Variants in RBFOX1 observed in about 807,000 individuals in gnomAD.
The protein encoded by RBFOX1 is RNA binding protein fox-1 homolog 1.
RBFOX1 carries 8 observed loss-of-function variants against 57.7 expected under a neutral mutation model. The observed-to-expected ratio is 0.14, with a 90% confidence interval of 0.08 to 0.25. The LOEUF (loss-of-function observed/expected upper bound fraction) is 0.25. Among genes scored for constraint, RBFOX1 ranks in the 10% least tolerant of loss-of-function variants. RBFOX1 has a pLI of 1.00. For synonymous variants in RBFOX1, 326 were observed against 222.4 expected, an observed-to-expected ratio of 1.47 and a Z score of -4.15; for missense variants, 611 against 548.5, an observed-to-expected ratio of 1.11 and a Z score of -1.14.
At chr16:6,412,113 A>G (rs559268381) in intron 2 of RBFOX1, among the ~76,000 whole-genome samples, 12 of 150,482 alleles carry the variant, frequency 8.0e-5, no homozygotes, top group African/African-American at 2.9e-4. Flanking sequence ...AGTACAGGCA[A>G]TAGTGCAAGA....
At chr16:7,473,728 A>G (rs1488564691) in intron 4 of RBFOX1, among the ~76,000 whole-genome samples, 6 of 152,074 alleles carry the variant, frequency 3.9e-5, no homozygotes, top group Admixed American at 1.3e-4. Context: ...CTGATTTACT[A>G]GTATGCTCCC....
intron 4 of RBFOX1, among the ~76,000 whole-genome samples, chr16:7,144,590 C>T (rs1198456878): frequency 1.3e-5 from 2 of 151,738 alleles, no homozygotes; most frequent in African/African-American, 2.4e-5. Context: ...GCGCCTGAAT[C>T]TAGACCTATT....
intron 3 of RBFOX1, among the ~76,000 whole-genome samples, chr16:6,868,793 T>C (rs895085677): frequency 3.3e-5 from 5 of 152,106 alleles, no homozygotes; most frequent in African/African-American, 1.2e-4. Context: ...AGATAGGTAA[T>C]AAGGTTGCAT....
chr16:7,315,742 A>G (rs972216859), intron 4 of RBFOX1, among the ~76,000 whole-genome samples: 4 of 152,072 alleles, frequency 2.6e-5, no homozygotes, highest in South Asian at 2.1e-4. Context: ...TGTCCAGCAA[A>G]TGCACTTTAC....
rs868820665 is a variant in RBFOX1, at chr16:6,712,473, G to C, written c.-16+57823G>C. 2.0e-5 allele frequency among the ~76,000 whole-genome samples: 3 copies of C among 152,020 alleles called. No homozygotes were observed. The South Asian group carries it at 6.2e-4, about 32-fold the overall frequency. On this transcript the variant is annotated intron_variant, in intron 3 of 15. Coordinates refer to ENST00000550418, the MANE Select transcript of RBFOX1 (RefSeq NM_018723.4). ...CTAACCTTTCCTCTCATCTCCCGAG[G>C]ACTATTTTCTCCCAGTTTTTTCCAT... is the stretch of plus-strand genomic sequence containing the variant.
At chr16:6,970,307 T>C (rs2085252239) in intron 3 of RBFOX1, among the ~76,000 whole-genome samples, 2 of 152,320 alleles carry the variant, frequency 1.3e-5, no homozygotes, top group South Asian at 2.1e-4. Context: ...ACCTAGACTA[T>C]TTCTGTCCTT....
At chr16:6,035,623 C>T (rs745440058) in intron 1 of RBFOX1, among the ~76,000 whole-genome samples, 20 of 152,160 alleles carry the variant, frequency 1.3e-4, no homozygotes, top group South Asian at 6.2e-4. Flanking sequence ...AAATGGCAAG[C>T]GGGAGGCATC....
At chr16:5,686,758 A>C (rs1596753561) in intron 3 of RBFOX1, among the ~76,000 whole-genome samples, 1 of 152,310 alleles carries the variant, frequency 6.6e-6, no homozygotes, top group East Asian at 1.9e-4. Flanking sequence ...ATAACAAATG[A>C]AAGTATTTTT....
At chr16:6,791,145 G>A (rs1205149046) in intron 3 of RBFOX1, among the ~76,000 whole-genome samples, 2 of 152,146 alleles carry the variant, frequency 1.3e-5, no homozygotes, top group African/African-American at 2.4e-5. Context: ...GACCTCAAGA[G>A]ATCCTCCCGC....
At chr16:6,125,526 G>A (rs774424958) in intron 1 of RBFOX1, among the ~76,000 whole-genome samples, 2 of 152,178 alleles carry the variant, frequency 1.3e-5, no homozygotes, top group Non-Finnish European at 2.9e-5. Context: ...AACCCTTGGA[G>A]AGTTAAACAA....
intron 3 of RBFOX1, among the ~76,000 whole-genome samples, chr16:6,683,583 A>G (rs2058991108): frequency 6.6e-6 from 1 of 152,332 alleles, no homozygotes; most frequent in South Asian, 2.1e-4. Flanking sequence ...ACACGTGTAT[A>G]CATGTGTGTG....
At chr16:6,331,748 A>AT (rs1176823531) in intron 2 of RBFOX1, among the ~76,000 whole-genome samples, 3 of 142,026 alleles carry the variant, frequency 2.1e-5, no homozygotes, top group Admixed American at 7.4e-5. Context: ...AAATCATGCA[A>AT]TTTTTTTTGT....
In RBFOX1 at chr16:6,198,340, A is replaced by T. The variant is rs1028060276; in HGVS notation, c.-126-118655A>T. Among the ~76,000 whole-genome samples, 57 of 152,230 alleles carry T rather than the reference A, an allele frequency of 3.7e-4. 1 individual carries two copies. The highest frequency in any genetic ancestry group is 3.0e-3 in the Admixed American group (46 of 15,282). On this transcript the variant is annotated intron_variant, in intron 1 of 15. Coordinates refer to ENST00000550418, the MANE Select transcript of RBFOX1 (RefSeq NM_018723.4). ...CTTGATGACAAGATACATTCAAGGG[A>T]ATAACACATAGGCAGGAATGCTCTC... is the stretch of plus-strand genomic sequence containing the variant.
chr16:7,632,105 C>T (rs112611178), intron 11 of RBFOX1, among the ~76,000 whole-genome samples: 2,305 of 152,242 alleles, frequency 0.015, 57 homozygotes, highest in African/African-American at 0.051. Flanking sequence ...GATGAGGTTT[C>T]CCCATCTTGG....
chr16:7,053,343 T>G (rs1196187058), intron 4 of RBFOX1, among the ~76,000 whole-genome samples: 3 of 152,238 alleles, frequency 2.0e-5, no homozygotes, highest in African/African-American at 7.2e-5. Context: ...GACCCTTTCC[T>G]TCATGGAACA....
In RBFOX1 at chr16:6,538,770, A is replaced by T. The variant is rs187169797; in HGVS notation, c.-63-115833A>T. Among the ~76,000 whole-genome samples the T allele has an allele frequency of 2.0e-5, 3 of 152,254 alleles. No individual in the cohort carries two copies. The East Asian group carries it at 5.8e-4, about 29-fold the overall frequency. ...TTCCAGCTGTTGGTTGTTTTTTTTC[A>T]TGGCTTCTTCCAGGGCCTCTGTCTT... On this transcript the variant is annotated intron_variant, in intron 2 of 15. Transcript: ENST00000550418.
intron 1 of RBFOX1, among the ~76,000 whole-genome samples, chr16:6,184,730 T>G (rs1278271822): frequency 6.6e-6 from 1 of 151,874 alleles, no homozygotes; most frequent in Non-Finnish European, 1.5e-5. Context: ...TGGCTCATTT[T>G]TTTTTTTTTT....
intron 4 of RBFOX1, among the ~76,000 whole-genome samples, chr16:5,970,794 A>C (rs17139003): frequency 0.048 from 7,305 of 152,290 alleles, 583 homozygotes; most frequent in African/African-American, 0.17. Flanking sequence ...CCATGTTTTC[A>C]TTGCACAGCA....
At chr16:7,165,533 C>T (rs1212498316) in intron 4 of RBFOX1, among the ~76,000 whole-genome samples, 3 of 151,902 alleles carry the variant, frequency 2.0e-5, no homozygotes, top group East Asian at 3.9e-4. Context: ...GGAATCAAGC[C>T]ATTCACCTGC....
Sources: gnomAD v4.1 joint callset for allele counts (sites outside exome capture counted in the v4.1 genomes callset) on GRCh38, gnomAD v4.1.1 for gene constraint, MANE v1.5 for transcripts, NCBI Gene and HGNC (gene_info 2026-07-23, HGNC 2026-07-21) for gene names.